Variants in PC observed in about 807,000 individuals in gnomAD.
PC encodes the protein pyruvate carboxylase, mitochondrial.
In PC, 46 loss-of-function variants were observed where a neutral mutation model predicts 107.8. The ratio of observed to expected loss-of-function variants is 0.43; its 90% CI spans 0.34 to 0.55. The LOEUF is 0.55. Ranked by LOEUF, PC falls within the 20% of genes least tolerant of loss-of-function variation. The pLI is 0.04. For missense variants in PC, 1,241 were observed against 1,643.1 expected (o/e 0.76, Z 4.23); for synonymous variants, 662 against 684.7 (o/e 0.97, Z 0.52).
At chr11:66,905,652 A>G (rs553851540) in intron 3 of PC, among the ~76,000 whole-genome samples, 14 of 152,152 alleles carry the variant, frequency 9.2e-5, no homozygotes, top group Non-Finnish European at 1.6e-4. Flanking sequence ...CCAGGGTGGG[A>G]TCAGATTTTG....
At chr11:66,936,925 C>T (rs573232369) in intron 3 of PC, among the ~76,000 whole-genome samples, 54 of 152,208 alleles carry the variant, frequency 3.5e-4, no homozygotes, top group Admixed American at 2.8e-3. Context: ...CTGCAACCTC[C>T]GCCTCCCAAG....
Position 66,859,790 on chromosome 11 carries a change from G to A in PC, c.1368+3984C>T, listed in dbSNP as rs111498329. On this transcript the variant is annotated intron_variant, in intron 12 of 22. Coordinates refer to ENST00000393960, the MANE Select transcript of PC (RefSeq NM_001040716.2). ...GCTGTGCCCATTTCTCCACGCTGCCGGCCTCGCCCCTGTGCCACGCCCTGC... is the reference window on the plus strand; with the variant it reads ...GCTGTGCCCATTTCTCCACGCTGCCAGCCTCGCCCCTGTGCCACGCCCTGC... The A allele has an allele frequency of 3.5e-3, 5,667 of 1,598,640 alleles. 183 individuals carry two copies. The African/African-American group carries it at 0.064, about 18-fold the overall frequency.
rs1946751079 is a variant in PC, at chr11:66,871,926, G to A, written c.137-55C>T. On this transcript the variant is annotated intron_variant, in intron 4 of 22. Coordinates refer to ENST00000393960, the MANE Select transcript of PC (RefSeq NM_001040716.2). This position sits in a 1 kb window ranked among gnomAD's most constrained non-coding sequence, Gnocchi z 7.4. ...TCCTAGGTCCTAGGAGAAGCAGAAA[G>A]GGGAGTGGGAAGCCAGGGCCTGGGG... 1.3e-6 allele frequency: 2 copies of A among 1,584,660 alleles called. No homozygotes were observed. Among genetic ancestry groups the A allele is most frequent in the Non-Finnish European group, 1.7e-6 (2 of 1,167,120 alleles).
intron 3 of PC, among the ~76,000 whole-genome samples, chr11:66,874,339 C>T (rs1298267906): frequency 2.0e-5 from 3 of 152,162 alleles, no homozygotes; most frequent in East Asian, 1.9e-4. Flanking sequence ...CTACCCGCCT[C>T]GGCCTCACAA....
In PC at chr11:66,856,994, G is replaced by A. The variant is rs550210493; in HGVS notation, c.1369-3611C>T. The A allele has an allele frequency of 9.4e-4, 138 of 146,916 alleles. 1 individual carries two copies. Among genetic ancestry groups the A allele is most frequent in the African/African-American group, 3.3e-3 (136 of 40,962 alleles). The allele number at this position is 146,916 out of a possible 1,614,324, so 9.1% of individuals were successfully genotyped here. A position where few individuals can be genotyped will look rare whatever the true frequency, so the allele number is the denominator to read the frequency against. ...TCCCCGTGACCTCAGGAGCCGGCCC[G>A]GGCCCGGGTGGATCCCCGCGCGCCC... On this transcript the variant is annotated intron_variant, in intron 12 of 22. Coordinates refer to ENST00000393960, the MANE Select transcript of PC (RefSeq NM_001040716.2).
Position 66,849,758 on chromosome 11 carries a change from C to T in PC, c.3000G>A (p.Glu1000=), listed in dbSNP as rs1945358891. ...AGAGCACATCTTCCGGCGTCACCTC[C>T]TCCCCATGCCGGTCTACCAGCTCCT... is the stretch of plus-strand genomic sequence containing the variant. ...LEKELVDRHG[E]EVTPEDVLSA... The change falls in exon 21 of 23, where the codon GAG becomes GAA. Residue 1000 remains glutamate, a synonymous_variant. Transcript: ENST00000393960. 1 of 1,614,094 alleles carries T rather than the reference C, an allele frequency of 6.2e-7. No individual in the cohort carries two copies. The highest frequency in any genetic ancestry group is 1.3e-5 in the African/African-American group (1 of 74,930).
intron 3 of PC, among the ~76,000 whole-genome samples, chr11:66,925,470 T>C (rs1450390873): frequency 6.6e-6 from 1 of 152,258 alleles, no homozygotes; most frequent in African/African-American, 2.4e-5. Flanking sequence ...AAGAGAAATA[T>C]GGCTCTGCTC....
chr11:66,920,953 GC>G (rs1382052872), intron 3 of PC, among the ~76,000 whole-genome samples: 1 of 151,814 alleles, frequency 6.6e-6, no homozygotes, highest in East Asian at 1.9e-4. Context: ...CAGGAGAATT[GC>G]TTAAACCCAG....
intron 3 of PC, among the ~76,000 whole-genome samples, chr11:66,879,892 G>A (rs542790142): frequency 6.6e-6 from 1 of 152,292 alleles, no homozygotes; most frequent in East Asian, 1.9e-4. Context: ...GTGTGGGGCT[G>A]GGGAAGGCTG....
chr11:66,886,045 G>A (rs1565261574), intron 3 of PC, among the ~76,000 whole-genome samples: 1 of 152,230 alleles, frequency 6.6e-6, no homozygotes, highest in South Asian at 2.1e-4. Flanking sequence ...TGATCAGCTG[G>A]CTGGGGCAGG....
At chr11:66,900,619 AG>A (rs1947918301) in intron 3 of PC, among the ~76,000 whole-genome samples, 1 of 152,132 alleles carries the variant, frequency 6.6e-6, no homozygotes, top group Admixed American at 6.5e-5. Context: ...AACAATATTA[AG>A]TCTCTGATCC....
chr11:66,877,279 G>A (rs892511801), intron 3 of PC, among the ~76,000 whole-genome samples: 4 of 152,190 alleles, frequency 2.6e-5, no homozygotes, highest in East Asian at 1.9e-4. Context: ...CCAGCTACTC[G>A]GGAGGCTGAG....
chr11:66,939,714 G>A (rs374606284), intron 3 of PC, among the ~76,000 whole-genome samples: 12 of 136,602 alleles, frequency 8.8e-5, no homozygotes, highest in Admixed American at 2.5e-4. Context: ...TGAGGCAGGA[G>A]AATCACTTGA....
rs531829473 is a variant in PC, at chr11:66,931,628, CTT to C, written c.-1+20800_-1+20801del. 5.3e-5 allele frequency among the ~76,000 whole-genome samples: 8 copies of C among 151,894 alleles called. No homozygotes were observed. The East Asian group carries it at 1.5e-3, about 29-fold the overall frequency. On this transcript the variant is annotated intron_variant, in intron 3 of 22. Transcript: ENST00000393960. ...GCAATGGCACACAGAGTACTGCAGA[CTT>C]TTTATTTGTGCTGACATCGGACGAT...
intron 3 of PC, among the ~76,000 whole-genome samples, chr11:66,880,366 C>T (rs1387407618): frequency 6.6e-6 from 1 of 152,170 alleles, no homozygotes; most frequent in Non-Finnish European, 1.5e-5. Flanking sequence ...GCAGACTCCC[C>T]CTGCTCCCCA....
chr11:66,860,556 G>A (rs1565230445), intron 12 of PC: 2 of 701,860 alleles, frequency 2.8e-6, no homozygotes, highest in Admixed American at 4.0e-5. Flanking sequence ...CACGGACAAG[G>A]GTGGGGCTAC....
chr11:66,891,552 C>G (rs1052694549), intron 3 of PC, among the ~76,000 whole-genome samples: 2 of 151,720 alleles, frequency 1.3e-5, no homozygotes, highest in African/African-American at 4.8e-5. Context: ...CACCACCATG[C>G]CCGACTAATT....
chr11:66,913,726 G>A (rs1426563065), intron 3 of PC, among the ~76,000 whole-genome samples: 1 of 151,984 alleles, frequency 6.6e-6, no homozygotes, highest in African/African-American at 2.4e-5. Context: ...CTGGGCCCCA[G>A]GACGACTCCA....
At chr11:66,875,844 G>A (rs903645578) in intron 3 of PC, among the ~76,000 whole-genome samples, 6 of 152,054 alleles carry the variant, frequency 3.9e-5, no homozygotes, top group South Asian at 2.1e-4. Flanking sequence ...GAAACCTGGC[G>A]GACACCACGC....
Sources: gnomAD v4.1 joint callset for allele counts (sites outside exome capture counted in the v4.1 genomes callset) on GRCh38, gnomAD v4.1.1 for gene constraint, Gnocchi (gnomAD v3.1) non-coding constraint, MANE v1.5 for transcripts, NCBI Gene and HGNC (gene_info 2026-07-23, HGNC 2026-07-21) for gene names.